ZP3: variants seen among roughly 807,000 people sequenced by gnomAD.
ZP3 encodes zona pellucida sperm-binding protein 3.
A neutral mutation model predicts 35.6 loss-of-function variants in ZP3; 21 were observed. The observed-to-expected ratio is 0.59, with a 90% confidence interval of 0.42 to 0.85. The LOEUF (loss-of-function observed/expected upper bound fraction) is 0.85. Ranked by LOEUF, ZP3 falls within the 40% of genes least tolerant of loss-of-function variation. The pLI, the probability that ZP3 is intolerant of heterozygous loss-of-function variation, is 0.00. For synonymous variants in ZP3, 207 were observed against 214.5 expected, an observed-to-expected ratio of 0.96 and a Z score of 0.31; for missense variants, 437 against 536.5, an observed-to-expected ratio of 0.81 and a Z score of 1.83.
At chr7:76,410,999 GAAAAAAA>G (rs977138723) in intron 1 of ZP3, among the ~76,000 whole-genome samples, 24 of 80,278 alleles carry the variant, frequency 3.0e-4, no homozygotes, top group East Asian at 7.8e-4. Context: ...CATCTCAAAA[GAAAAAAA>G]AAAAAAAAAA....
chr7:76,424,908 C>T, upstream of ZP3: 5 of 1,442,828 alleles, frequency 3.5e-6, no homozygotes, highest in South Asian at 7.2e-5. Flanking sequence ...TGGCAGCAGC[C>T]AGCATCCCAC....
At chr7:76,439,811 A>G (rs1286044003) in intron 5 of ZP3, 1 of 182,640 alleles carries the variant, frequency 5.5e-6, no homozygotes, top group African/African-American at 2.3e-5. Context: ...ACATTGGGTA[A>G]GTGAACCTTT....
chr7:76,425,276 G>A lies in ZP3; in HGVS notation c.312G>A (p.Gln104=). 6.3e-7 allele frequency: 1 copy of A among 1,598,674 alleles called. No homozygotes were observed. Among genetic ancestry groups the A allele is most frequent in the Non-Finnish European group, 8.5e-7 (1 of 1,170,728 alleles). Residue 104 remains glutamine (Q), a splice_region_variant and synonymous_variant, in exon 1 of 8, where the codon CAG becomes CAA. Transcript: ENST00000394857. The part of the protein sequence containing the change: ...VGLHECGNSM[Q]VTDDALVYST... ...TCCACGAGTGTGGCAACAGCATGCA[G>A]GTAAGAGAGGCTGGGGGCCCTGGCT...
intron 1 of ZP3, chr7:76,428,669 TG>T (rs1805742152): frequency 6.6e-6 from 1 of 152,284 alleles, no homozygotes; most frequent in Admixed American, 6.6e-5. Flanking sequence ...GAAGCTGATG[TG>T]GGTTGTTGTG....
intron 1 of ZP3, among the ~76,000 whole-genome samples, chr7:76,415,863 C>T (rs1323539440): frequency 6.6e-6 from 1 of 151,866 alleles, no homozygotes; most frequent in African/African-American, 2.4e-5. Context: ...GCCGCAGTGG[C>T]TCATGCCTGT....
At chr7:76,415,333 T>A (rs1439260423) in intron 1 of ZP3, among the ~76,000 whole-genome samples, 1 of 120,422 alleles carries the variant, frequency 8.3e-6, no homozygotes, top group Non-Finnish European at 1.6e-5. Context: ...GCCACTGCAC[T>A]TCAGCCTGGC....
In ZP3 at chr7:76,433,011, C is replaced by A; in HGVS notation, c.516C>A (p.Phe172Leu). The A allele has an allele frequency of 1.2e-6, 2 of 1,614,006 alleles. No individual in the cohort carries two copies. Among genetic ancestry groups the A allele is most frequent in the Non-Finnish European group, 8.5e-7 (1 of 1,179,938 alleles). ...TGTTCTCAGAGGAGAAGCTGACTTT[C>A]TCTCTGCGTCTGATGGAGGGTAAGA... ...TTVFSEEKLT[F>L]SLRLMEENWN... Residue 172 changes from phenylalanine (F) to leucine (L), a missense_variant, in exon 3 of 8, where the codon TTC becomes TTA. Physicochemically the swap from Phe to Leu is conservative, Grantham distance 22. Coordinates refer to ENST00000394857, the MANE Select transcript of ZP3 (RefSeq NM_001110354.2).
intron 1 of ZP3, among the ~76,000 whole-genome samples, chr7:76,425,950 G>GT (rs35573900): frequency 0.1 from 15,206 of 152,094 alleles, 854 homozygotes; most frequent in Middle Eastern, 0.18. Flanking sequence ...AGGCATGGTG[G>GT]TGCGTGTCTG....
In ZP3 at chr7:76,429,599, C is replaced by G. The variant is rs149364780; in HGVS notation, c.397C>G (p.Arg133Gly). Reference sequence around the variant, plus strand: ...AAACCTGTCCATCGTGAGGACTAACCGCGCAGAGATTCCCATCGAGTGCCG... The same window carrying G: ...AAACCTGTCCATCGTGAGGACTAACGGCGCAGAGATTCCCATCGAGTGCCG... ...VGNLSIVRTN[R>G]AEIPIECRYP... is the part of the protein sequence containing the mutation. The change falls in exon 2 of 8, where the codon CGC becomes GGC. Residue 133 changes from arginine to glycine, a missense_variant. Transcript: ENST00000394857. 2 of 1,614,112 alleles carry G rather than the reference C, an allele frequency of 1.2e-6. No homozygotes were observed. The highest frequency in any genetic ancestry group is 2.2e-5 in the South Asian group (2 of 91,086).
intron 1 of ZP3, among the ~76,000 whole-genome samples, chr7:76,417,419 A>G (rs1805404199): frequency 6.6e-6 from 1 of 151,980 alleles, no homozygotes; most frequent in Admixed American, 6.6e-5. Flanking sequence ...ATCTCAGCCC[A>G]CTGAGGTCCT....
chr7:76,402,304 C>T (rs761636137), intron 1 of ZP3, among the ~76,000 whole-genome samples: 5 of 151,930 alleles, frequency 3.3e-5, no homozygotes, highest in South Asian at 4.2e-4. Context: ...CTCAGCCTCC[C>T]GAGTAATTGG....
At chr7:76,397,773 G>A (rs1804688442) in exon 1 of ZP3, 1 of 1,611,578 alleles carries the variant, frequency 6.2e-7, no homozygotes, top group Non-Finnish European at 8.5e-7. Flanking sequence ...CCACTGTGCA[G>A]GATCTCCACT....
At chr7:76,412,248 AT>A (rs1378157785) in intron 1 of ZP3, among the ~76,000 whole-genome samples, 4 of 152,076 alleles carry the variant, frequency 2.6e-5, no homozygotes, top group Non-Finnish European at 5.9e-5. Context: ...GTATGCAACA[AT>A]TTGGATGGAT....
chr7:76,397,981 G>C (rs1227361590), intron 1 of ZP3: 8 of 818,182 alleles, frequency 9.8e-6, no homozygotes, highest in Middle Eastern at 3.6e-4. Flanking sequence ...GTCCAGACTG[G>C]GGGTAGCTTG....
At chr7:76,426,144 G>A in intron 1 of ZP3, among the ~76,000 whole-genome samples, 1 of 151,962 alleles carries the variant, frequency 6.6e-6, no homozygotes, top group Non-Finnish European at 1.5e-5. Context: ...CATAACCTTG[G>A]TGTTAAAGAC....
At chr7:76,398,191 T>C (rs1371445327) in intron 1 of ZP3, among the ~76,000 whole-genome samples, 1 of 152,106 alleles carries the variant, frequency 6.6e-6, no homozygotes, top group Admixed American at 6.6e-5. Flanking sequence ...TTTGCCTCTT[T>C]CACTGTCCCT....
intron 1 of ZP3, 80 bp downstream of exon 1, chr7:76,425,356 G>A (rs1032598963): frequency 1.5e-4 from 225 of 1,451,998 alleles, no homozygotes; most frequent in Middle Eastern, 3.7e-4. Flanking sequence ...CACCATCGGT[G>A]GGAGGTGGGG....
At chr7:76,424,040 G>A (rs941703692), upstream of ZP3, among the ~76,000 whole-genome samples, 6 of 152,008 alleles carry the variant, frequency 3.9e-5, no homozygotes, top group Non-Finnish European at 7.4e-5. Flanking sequence ...CATAAAATAA[G>A]GCAGAGACCC....
intron 1 of ZP3, among the ~76,000 whole-genome samples, chr7:76,426,874 CCACACACACACACA>C (rs369991319): frequency 7.9e-6 from 1 of 126,692 alleles, no homozygotes. Context: ...CTACCAAACA[CCACACACACACACA>C]CACACACACA....
Sources: gnomAD v4.1 joint callset for allele counts (sites outside exome capture counted in the v4.1 genomes callset) on GRCh38, gnomAD v4.1.1 for gene constraint, MANE v1.5 for transcripts, NCBI Gene and HGNC (gene_info 2026-07-23, HGNC 2026-07-21) for gene names.